Variants in ELMO1 observed in about 807,000 individuals in gnomAD.
ELMO1 encodes engulfment and cell motility 1, also known as engulfment and cell motility protein 1.
In ELMO1, 26 loss-of-function variants were observed where a neutral mutation model predicts 98.9. That is an observed-to-expected ratio of 0.26 (90% confidence interval 0.19 to 0.36). The LOEUF (loss-of-function observed/expected upper bound fraction) is 0.36. Among genes scored for constraint, ELMO1 ranks in the 10% least tolerant of loss-of-function variants. The pLI, the probability that ELMO1 is intolerant of heterozygous loss-of-function variation, is 1.00. For missense variants in ELMO1, 627 were observed against 935.2 expected (o/e 0.67, Z 4.30); for synonymous variants, 346 against 346.0 (o/e 1.00, Z 0.00).
chr7:37,327,007 A>G (rs1158341152), intron 2 of ELMO1, among the ~76,000 whole-genome samples: 5 of 152,234 alleles, frequency 3.3e-5, no homozygotes, highest in African/African-American at 9.6e-5. Flanking sequence ...TTACATATCA[A>G]TGTTGCTATG....
At chr7:37,048,113 G>A (rs1487354445) in intron 15 of ELMO1, among the ~76,000 whole-genome samples, 1 of 152,148 alleles carries the variant, frequency 6.6e-6, no homozygotes, top group Non-Finnish European at 1.5e-5. Context: ...ATTAGTGTCT[G>A]GAGCTGGTTA....
chr7:36,953,740 T>A (rs1290966286), intron 16 of ELMO1, among the ~76,000 whole-genome samples: 1 of 152,146 alleles, frequency 6.6e-6, no homozygotes, highest in Non-Finnish European at 1.5e-5. Context: ...CCATTGAGAA[T>A]CTGGCAACTT....
intron 1 of ELMO1, among the ~76,000 whole-genome samples, chr7:37,439,000 G>A (rs1347151751): frequency 6.6e-6 from 1 of 152,214 alleles, no homozygotes; most frequent in Non-Finnish European, 1.5e-5. Context: ...GACTCTGGCT[G>A]GCACCCGCTG....
intron 15 of ELMO1, among the ~76,000 whole-genome samples, chr7:37,032,399 A>G (rs1794930387): frequency 6.6e-6 from 1 of 152,204 alleles, no homozygotes; most frequent in Non-Finnish European, 1.5e-5. Flanking sequence ...TCCAATGCTC[A>G]CATTATTCCT....
At chr7:37,273,117 A>G (rs537463068) in intron 4 of ELMO1, among the ~76,000 whole-genome samples, 8 of 152,360 alleles carry the variant, frequency 5.3e-5, no homozygotes, top group African/African-American at 1.9e-4. Flanking sequence ...CTTGAAGTTA[A>G]GCACAAACAG....
At chr7:37,207,504 T>C (rs1176504666) in intron 13 of ELMO1, among the ~76,000 whole-genome samples, 3 of 151,928 alleles carry the variant, frequency 2.0e-5, no homozygotes, top group Admixed American at 6.6e-5. Context: ...TGAGCAAAGA[T>C]TGCACCACTG....
chr7:36,973,326 T>C (rs1188171571), intron 16 of ELMO1, among the ~76,000 whole-genome samples: 4 of 152,144 alleles, frequency 2.6e-5, no homozygotes, highest in Non-Finnish European at 4.4e-5. Context: ...CAGGGAAAAT[T>C]TTTCTGATCT....
At chr7:37,345,807 G>A (rs1402296872) in intron 1 of ELMO1, among the ~76,000 whole-genome samples, 2 of 151,758 alleles carry the variant, frequency 1.3e-5, no homozygotes, top group Non-Finnish European at 2.9e-5. Flanking sequence ...GGCTAACGCC[G>A]TGAAACCCCA....
chr7:37,115,176 C>G (rs77191048), intron 14 of ELMO1, among the ~76,000 whole-genome samples: 2,556 of 152,092 alleles, frequency 0.017, 76 homozygotes, highest in African/African-American at 0.058. Context: ...CATATTTAAA[C>G]AAGAAAATGA....
At chr7:37,146,331 T>C (rs1368695600) in intron 13 of ELMO1, among the ~76,000 whole-genome samples, 2 of 152,182 alleles carry the variant, frequency 1.3e-5, no homozygotes, top group African/African-American at 4.8e-5. Flanking sequence ...GTGCTGCCGA[T>C]GGCTTCTGGA....
At chr7:36,961,594 A>G (rs1162690144) in intron 16 of ELMO1, among the ~76,000 whole-genome samples, 1 of 152,202 alleles carries the variant, frequency 6.6e-6, no homozygotes, top group African/African-American at 2.4e-5. Context: ...TGAAAACCTC[A>G]CCATTAATTG....
intron 1 of ELMO1, among the ~76,000 whole-genome samples, chr7:37,376,880 G>A (rs1439424154): frequency 1.3e-5 from 2 of 152,220 alleles, no homozygotes; most frequent in Non-Finnish European, 2.9e-5. Flanking sequence ...TCATTTATCA[G>A]AGATTAAAAA....
At chr7:37,188,421 C>CAT (rs1791345946) in intron 13 of ELMO1, among the ~76,000 whole-genome samples, 2 of 41,714 alleles carry the variant, frequency 4.8e-5, no homozygotes, top group South Asian at 3.2e-3. Context: ...CACACACACA[C>CAT]ACACACACAC....
At chr7:37,026,829 T>C (rs779326652) in intron 15 of ELMO1, among the ~76,000 whole-genome samples, 5 of 152,174 alleles carry the variant, frequency 3.3e-5, no homozygotes, top group Non-Finnish European at 7.4e-5. Flanking sequence ...CACGCCTGAT[T>C]AGAAACCTAG....
At position 36,917,397 on chromosome 7, in the gene ELMO1, C is replaced by T. The variant is rs540151644; in HGVS notation, c.1438-22380G>A. ...TATTGATAAATAGTCAAATTATAAACGAAGTAAATTATTATAACCTCTGAA... is the reference window on the plus strand; with the variant it reads ...TATTGATAAATAGTCAAATTATAAATGAAGTAAATTATTATAACCTCTGAA... On this transcript the variant is annotated intron_variant, in intron 16 of 21. Transcript: ENST00000310758. Among the ~76,000 whole-genome samples, 108 of 151,916 alleles carry T rather than the reference C, an allele frequency of 7.1e-4. 3 individuals are homozygous for T. In the South Asian group the frequency reaches 0.012, roughly 17 times the overall value.
intron 7 of ELMO1, among the ~76,000 whole-genome samples, chr7:37,240,028 CTTTCTTTTTTTT>C (rs948104607): frequency 1.4e-5 from 2 of 147,450 alleles, no homozygotes; most frequent in African/African-American, 5.1e-5. Context: ...CCTTAATTTT[CTTTCTTTTTTTT>C]TTTCTTTTTT....
At chr7:37,126,594 A>G (rs1786538657) in intron 14 of ELMO1, among the ~76,000 whole-genome samples, 1 of 152,230 alleles carries the variant, frequency 6.6e-6, no homozygotes, top group Admixed American at 6.5e-5. Context: ...CAACGTTTTT[A>G]TAACTTGATA....
chr7:36,897,479 C>T (rs760348724), intron 16 of ELMO1, among the ~76,000 whole-genome samples: 15 of 151,674 alleles, frequency 9.9e-5, no homozygotes, highest in South Asian at 4.2e-4. Flanking sequence ...GTTCCTGTCA[C>T]GTGCAACCAA....
At chr7:37,143,061 G>T (rs1412872867) in intron 13 of ELMO1, among the ~76,000 whole-genome samples, 1 of 152,160 alleles carries the variant, frequency 6.6e-6, no homozygotes, top group East Asian at 1.9e-4. Context: ...TTCCTTTAAA[G>T]AACTACGTGA....
Sources: gnomAD v4.1 joint callset for allele counts (sites outside exome capture counted in the v4.1 genomes callset) on GRCh38, gnomAD v4.1.1 for gene constraint, MANE v1.5 for transcripts, NCBI Gene and HGNC (gene_info 2026-07-23, HGNC 2026-07-21) for gene names.